The following DOP1B variants were observed in gnomAD, a reference collection of about 807,000 sequenced individuals.
DOP1B encodes protein DOP1B.
DOP1B carries 174 observed loss-of-function variants against 233.5 expected under a neutral mutation model. The observed-to-expected ratio is 0.75, with a 90% confidence interval of 0.66 to 0.85. DOP1B has a LOEUF of 0.85. Ranked by LOEUF, DOP1B falls within the 40% of genes least tolerant of loss-of-function variation. The pLI, the probability that DOP1B is intolerant of heterozygous loss-of-function variation, is 0.00. For missense variants in DOP1B, 2,652 were observed against 2,846.6 expected, an observed-to-expected ratio of 0.93 and a Z score of 1.56; for synonymous variants, 1,190 against 1,185.6, an observed-to-expected ratio of 1.00 and a Z score of -0.08.
At chr21:36,289,467 G>A (rs2067532425) in intron 35 of DOP1B, among the ~76,000 whole-genome samples, 1 of 107,644 alleles carries the variant, frequency 9.3e-6, no homozygotes, top group Non-Finnish European at 1.9e-5. Context: ...GTGTGTGTGT[G>A]TGTGTGTGGT....
intron 23 of DOP1B, among the ~76,000 whole-genome samples, chr21:36,258,045 A>G (rs1014265532): frequency 3.3e-5 from 5 of 151,796 alleles, no homozygotes; most frequent in African/African-American, 1.2e-4. Context: ...AGATGTAGGT[A>G]GGTAGATAGA....
chr21:36,274,689 G>A (rs1482501596), intron 27 of DOP1B, among the ~76,000 whole-genome samples: 4 of 152,064 alleles, frequency 2.6e-5, no homozygotes, highest in Non-Finnish European at 5.9e-5. Flanking sequence ...ATCGGGGTGG[G>A]TGGTCAGGAT....
intron 18 of DOP1B, among the ~76,000 whole-genome samples, chr21:36,241,681 TTTTC>T (rs2066893132): frequency 7.5e-6 from 1 of 132,610 alleles, no homozygotes; most frequent in Non-Finnish European, 1.6e-5. Context: ...GCTAATTTTT[TTTTC>T]TTTCTTTCTT....
At chr21:36,216,568 A>C (rs1326674209) in intron 9 of DOP1B, among the ~76,000 whole-genome samples, 4 of 151,822 alleles carry the variant, frequency 2.6e-5, no homozygotes, top group Non-Finnish European at 5.9e-5. Context: ...CTGAGATCGC[A>C]CCATTGCACT....
intron 2 of DOP1B, among the ~76,000 whole-genome samples, chr21:36,177,747 A>C (rs369763244): frequency 2.6e-4 from 40 of 152,286 alleles, no homozygotes; most frequent in African/African-American, 9.6e-4. Flanking sequence ...GTGATATCCC[A>C]CACCACTTCG....
At chr21:36,238,775 G>C (rs780552074) in intron 17 of DOP1B, 74 bp downstream of exon 17, 39 of 1,428,898 alleles carry the variant, frequency 2.7e-5, no homozygotes, top group Non-Finnish European at 3.6e-5. Context: ...CAACGTGTGG[G>C]GCTGGGGAGG....
intron 23 of DOP1B, among the ~76,000 whole-genome samples, chr21:36,256,048 G>A (rs1278527832): frequency 6.6e-6 from 1 of 152,180 alleles, no homozygotes; most frequent in African/African-American, 2.4e-5. Flanking sequence ...GAAAGCAGCA[G>A]AGCTGTTTTG....
intron 6 of DOP1B, 104 bp downstream of exon 6, chr21:36,211,755 G>A (rs2066500975): frequency 1.1e-5 from 15 of 1,346,184 alleles, no homozygotes; most frequent in East Asian, 2.3e-5. Flanking sequence ...CCACTCATGG[G>A]CATTATTTGC....
intron 4 of DOP1B, among the ~76,000 whole-genome samples, chr21:36,204,554 G>T (rs1333030201): frequency 6.6e-6 from 1 of 152,056 alleles, no homozygotes; most frequent in Non-Finnish European, 1.5e-5. Context: ...CAGGATTATA[G>T]CTCACTGCAG....
At chr21:36,221,768 G>A (rs1352378143) in intron 10 of DOP1B, among the ~76,000 whole-genome samples, 1 of 152,034 alleles carries the variant, frequency 6.6e-6, no homozygotes, top group African/African-American at 2.4e-5. Flanking sequence ...GTGGAGATGG[G>A]GTTTTCACCA....
intron 2 of DOP1B, among the ~76,000 whole-genome samples, chr21:36,172,950 C>G (rs2065986429): frequency 6.6e-6 from 1 of 152,016 alleles, no homozygotes; most frequent in Non-Finnish European, 1.5e-5. Flanking sequence ...GAAACCCTGT[C>G]TCTATTAAAA....
intron 21 of DOP1B, among the ~76,000 whole-genome samples, chr21:36,249,152 C>T (rs1296991997): frequency 1.3e-5 from 2 of 151,786 alleles, no homozygotes; most frequent in Non-Finnish European, 2.9e-5. Context: ...TAGAGCTAGG[C>T]GCGGTGGCTC....
chr21:36,263,380 C>T (rs1485187088), intron 24 of DOP1B, among the ~76,000 whole-genome samples, 166 bp from the exon 25 acceptor site: 1 of 152,056 alleles, frequency 6.6e-6, no homozygotes, highest in African/African-American at 2.4e-5. Flanking sequence ...TGCCAGAATA[C>T]CAAAGTTTAG....
intron 2 of DOP1B, among the ~76,000 whole-genome samples, chr21:36,177,572 G>T (rs142694782): frequency 1.3e-5 from 2 of 152,122 alleles, no homozygotes; most frequent in Admixed American, 1.3e-4. Flanking sequence ...GGGTTGGGGG[G>T]GCCTTTAAAA....
rs1250146698 is a variant in DOP1B at position 36,209,181 on chromosome 21, G to A, written c.681+277G>A. 2.0e-5 allele frequency among the ~76,000 whole-genome samples: 3 copies of A among 152,190 alleles called. No individual in the cohort carries two copies. The East Asian group carries it at 5.8e-4, about 29-fold the overall frequency. On this transcript the variant is annotated intron_variant, in intron 5 of 36. Transcript: ENST00000691173. ...CTGTCGCCGAGGCTGGGGTGCAGTG[G>A]CACAACCTCGACTCACTGCAAGCTT...
At chr21:36,224,949 G>A (rs1185431858) in intron 11 of DOP1B, among the ~76,000 whole-genome samples, 2 of 151,900 alleles carry the variant, frequency 1.3e-5, no homozygotes, top group Non-Finnish European at 2.9e-5. Context: ...CGTTCCCTTG[G>A]ATCGTGCTTT....
intron 23 of DOP1B, among the ~76,000 whole-genome samples, chr21:36,254,879 C>T (rs2067074735): frequency 6.6e-6 from 1 of 151,134 alleles, no homozygotes; most frequent in Non-Finnish European, 1.5e-5. Flanking sequence ...GCAGAGGGCT[C>T]AGAGGAGCCT....
chr21:36,279,657 C>A (rs2067394131), intron 30 of DOP1B, among the ~76,000 whole-genome samples: 1 of 152,160 alleles, frequency 6.6e-6, no homozygotes, highest in African/African-American at 2.4e-5. Context: ...CCACTCTTTT[C>A]ATCAACACAA....
chr21:36,239,042 G>T (rs1367814212), intron 17 of DOP1B, among the ~76,000 whole-genome samples: 1 of 152,150 alleles, frequency 6.6e-6, no homozygotes, highest in Non-Finnish European at 1.5e-5. Context: ...GGCAAAGGTT[G>T]CAGTGAGCCG....
Sources: gnomAD v4.1 joint callset for allele counts (sites outside exome capture counted in the v4.1 genomes callset) on GRCh38, gnomAD v4.1.1 for gene constraint, MANE v1.5 for transcripts, NCBI Gene and HGNC (gene_info 2026-07-23, HGNC 2026-07-21) for gene names.